Variants in ROBO1 observed in about 807,000 individuals in gnomAD.
ROBO1 encodes roundabout guidance receptor 1.
ROBO1 carries 149 observed loss-of-function variants against 195.9 expected under a neutral mutation model. The ratio of observed to expected loss-of-function variants is 0.76; its 90% CI spans 0.67 to 0.87. The LOEUF (loss-of-function observed/expected upper bound fraction) is 0.87, where lower values mean the gene tolerates loss of function less well. Ranked by LOEUF, ROBO1 falls within the 40% of genes least tolerant of loss-of-function variation. The pLI, the probability that ROBO1 is intolerant of heterozygous loss-of-function variation, is 0.00. For missense variants in ROBO1, 1,933 were observed against 2,068.3 expected, an observed-to-expected ratio of 0.93 and a Z score of 1.27; for synonymous variants, 816 against 733.2, an observed-to-expected ratio of 1.11 and a Z score of -1.82.
At chr3:78,912,306 A>G (rs2107542141) in intron 4 of ROBO1, among the ~76,000 whole-genome samples, 1 of 152,204 alleles carries the variant, frequency 6.6e-6, no homozygotes, top group South Asian at 2.1e-4. Flanking sequence ...AATTATACTA[A>G]TAAGCAACAT....
intron 2 of ROBO1, chr3:79,528,016 A>G (rs1181809561): frequency 5.2e-5 from 1 of 19,296 alleles, no homozygotes; most frequent in Non-Finnish European, 9.4e-5. Context: ...CATTTTCTGA[A>G]TGTGAGAGTT....
At chr3:79,374,093 G>C (rs555729010) in intron 2 of ROBO1, among the ~76,000 whole-genome samples, 1 of 152,058 alleles carries the variant, frequency 6.6e-6, no homozygotes, top group African/African-American at 2.4e-5. Flanking sequence ...GAATGAAAAG[G>C]GCATTTTAAA....
At chr3:79,364,682 A>G (rs2035900759) in intron 2 of ROBO1, among the ~76,000 whole-genome samples, 1 of 152,100 alleles carries the variant, frequency 6.6e-6, no homozygotes, top group Non-Finnish European at 1.5e-5. Context: ...GTTTCTGTAT[A>G]TTTTTGGTCC....
chr3:78,631,405 A>C, intron 24 of ROBO1, 100 bp from the exon 25 acceptor site: 1 of 1,281,850 alleles, frequency 7.8e-7, no homozygotes. Context: ...TTTATAATTC[A>C]TTTATATATA....
chr3:78,815,122 C>T (rs2084860080), intron 4 of ROBO1, among the ~76,000 whole-genome samples: 1 of 152,054 alleles, frequency 6.6e-6, no homozygotes, highest in Non-Finnish European at 1.5e-5. Flanking sequence ...CTCCTTGGGC[C>T]TTCCTATTCC....
At chr3:79,688,008 G>T (rs1284525553) in intron 1 of ROBO1, among the ~76,000 whole-genome samples, 1 of 151,928 alleles carries the variant, frequency 6.6e-6, no homozygotes, top group Admixed American at 6.6e-5. Flanking sequence ...AAGAAAATGT[G>T]GCACATATAC....
chr3:79,012,438 T>C (rs1342954044), intron 3 of ROBO1, among the ~76,000 whole-genome samples: 1 of 152,212 alleles, frequency 6.6e-6, no homozygotes, highest in Non-Finnish European at 1.5e-5. Flanking sequence ...CTAGAACATT[T>C]TCTACAATTG....
intron 5 of ROBO1, among the ~76,000 whole-genome samples, chr3:78,740,382 A>T (rs2108247813): frequency 6.6e-6 from 1 of 151,710 alleles, no homozygotes; most frequent in East Asian, 1.9e-4. Flanking sequence ...ATAAAATTTA[A>T]ATAAATTTAA....
chr3:78,929,938 T>C (rs1213548830), intron 4 of ROBO1, among the ~76,000 whole-genome samples: 1 of 152,146 alleles, frequency 6.6e-6, no homozygotes, highest in Non-Finnish European at 1.5e-5. Flanking sequence ...TTTACATTTA[T>C]CAGAGCCTAA....
intron 3 of ROBO1, among the ~76,000 whole-genome samples, chr3:79,063,968 T>C (rs1576631258): frequency 1.3e-5 from 2 of 151,334 alleles, no homozygotes. Flanking sequence ...TGGAGAGAGG[T>C]AGTGAACAGG....
chr3:78,669,956 T>A, intron 11 of ROBO1, 140 bp downstream of exon 11: 1 of 625,032 alleles, frequency 1.6e-6, no homozygotes, highest in South Asian at 2.6e-5. Context: ...CTGAAAAAAA[T>A]AAAACATCAA....
rs1205009028 is a variant in ROBO1 at position 78,668,577 on chromosome 3, G to A, written c.1549-12C>T. 1 of 1,611,126 alleles carries A rather than the reference G, an allele frequency of 6.2e-7. No homozygotes were observed. Among genetic ancestry groups the A allele is most frequent in the Non-Finnish European group, 8.5e-7 (1 of 1,178,224 alleles). ...CCAGTATCACCCAGCTGAGAAGGCA[G>A]ACAAAAAATAAATATTTGGAAAAAT... On this transcript the variant is annotated splice_polypyrimidine_tract_variant and intron_variant, in intron 11 of 30. Coordinates refer to ENST00000464233, the MANE Select transcript of ROBO1 (RefSeq NM_002941.4).
chr3:78,673,415 C>G (rs113550556), intron 10 of ROBO1, among the ~76,000 whole-genome samples: 1,697 of 144,920 alleles, frequency 0.012, 13 homozygotes, highest in Non-Finnish European at 0.017. Flanking sequence ...CAGGGTTACA[C>G]CACCTGTTAT....
chr3:78,976,278 A>G (rs2076883484), intron 3 of ROBO1, among the ~76,000 whole-genome samples: 1 of 152,190 alleles, frequency 6.6e-6, no homozygotes, highest in Admixed American at 6.6e-5. Context: ...CCTGCATCCC[A>G]AAGTTCAGAC....
chr3:79,437,377 G>T (rs2107094106), intron 2 of ROBO1, among the ~76,000 whole-genome samples: 1 of 151,924 alleles, frequency 6.6e-6, no homozygotes, highest in East Asian at 1.9e-4. Flanking sequence ...TGCTGGAAAA[G>T]ATATAATACC....
intron 4 of ROBO1, among the ~76,000 whole-genome samples, chr3:78,906,793 AAAAAT>A (rs1247948078): frequency 6.6e-6 from 1 of 152,156 alleles, no homozygotes; most frequent in East Asian, 1.9e-4. Flanking sequence ...ACTGTAAAAT[AAAAAT>A]AACTCCATTA....
chr3:78,674,110 T>C lies in ROBO1; in HGVS notation c.1343-3809A>G, dbSNP rs1227163061. Among the ~76,000 whole-genome samples, 4 of 152,150 alleles carry C rather than the reference T, an allele frequency of 2.6e-5. No homozygotes were observed. The East Asian group carries it at 7.7e-4, about 29-fold the overall frequency. ...TACGAATGATTTTAAATTTTATACA[T>C]TATGTAGTAATCATTAACTTTGTTT... On this transcript the variant is annotated intron_variant, in intron 10 of 30. Coordinates refer to ENST00000464233, the MANE Select transcript of ROBO1 (RefSeq NM_002941.4).
intron 2 of ROBO1, among the ~76,000 whole-genome samples, chr3:79,178,979 T>A (rs2081299376): frequency 6.6e-6 from 1 of 152,158 alleles, no homozygotes; most frequent in Non-Finnish European, 1.5e-5. Context: ...GCTGCCAAAC[T>A]TTACAAATTG....
At chr3:79,059,571 A>G (rs1231365972) in intron 3 of ROBO1, among the ~76,000 whole-genome samples, 2 of 152,164 alleles carry the variant, frequency 1.3e-5, no homozygotes, top group African/African-American at 4.8e-5. Context: ...ATGGCAGAAG[A>G]ACATAAATTG....
Sources: allele counts gnomAD v4.1 joint callset (sites outside exome capture counted in the v4.1 genomes callset), GRCh38; gene constraint gnomAD v4.1.1; transcripts MANE v1.5; gene names NCBI Gene and HGNC (gene_info 2026-07-23, HGNC 2026-07-21).